The following DCC variants were observed in gnomAD, a reference collection of about 807,000 sequenced individuals.
DCC encodes DCC netrin 1 receptor, also known as netrin receptor DCC.
In DCC, 58 loss-of-function variants were observed where a neutral mutation model predicts 172.5. The observed-to-expected ratio is 0.34, with a 90% confidence interval of 0.27 to 0.42. DCC has a LOEUF of 0.42. DCC is among the 10% of genes least tolerant of loss of function. DCC has a pLI of 1.00. For synonymous variants in DCC, 709 were observed against 644.5 expected (o/e 1.10, Z -1.52); for missense variants, 1,740 against 1,791.0 (o/e 0.97, Z 0.51).
At chr18:53,229,140 A>G (rs1254985053) in intron 12 of DCC, among the ~76,000 whole-genome samples, 1 of 152,150 alleles carries the variant, frequency 6.6e-6, no homozygotes, top group African/African-American at 2.4e-5. Context: ...TCCCACTATA[A>G]TAAAGTCTAA....
At chr18:52,562,995 A>T (rs2033074204) in intron 1 of DCC, among the ~76,000 whole-genome samples, 1 of 152,146 alleles carries the variant, frequency 6.6e-6, no homozygotes, top group Non-Finnish European at 1.5e-5. Context: ...CTATGCATCC[A>T]TTAGAGACTT....
chr18:53,104,650 T>A (rs2043219319), intron 7 of DCC, among the ~76,000 whole-genome samples: 1 of 152,120 alleles, frequency 6.6e-6, no homozygotes, highest in Non-Finnish European at 1.5e-5. Flanking sequence ...GGAACAGTTT[T>A]ACAAATAGGC....
At chr18:52,394,259 G>A (rs1986134614) in intron 1 of DCC, among the ~76,000 whole-genome samples, 1 of 151,782 alleles carries the variant, frequency 6.6e-6, no homozygotes. Context: ...AACAGAATTA[G>A]GATGATGATT....
intron 1 of DCC, among the ~76,000 whole-genome samples, chr18:52,579,577 C>T (rs1372867820): frequency 1.3e-5 from 2 of 152,092 alleles, no homozygotes; most frequent in African/African-American, 4.8e-5. Flanking sequence ...CCTCACACCT[C>T]TGTTGGATTA....
chr18:53,238,527 G>C (rs2056237341), intron 12 of DCC, among the ~76,000 whole-genome samples: 1 of 152,012 alleles, frequency 6.6e-6, no homozygotes, highest in African/African-American at 2.4e-5. Flanking sequence ...CACATTTCAG[G>C]GGTCCCTTTT....
At chr18:52,924,487 T>C (rs1296629910) in intron 4 of DCC, among the ~76,000 whole-genome samples, 1 of 152,084 alleles carries the variant, frequency 6.6e-6, no homozygotes, top group Non-Finnish European at 1.5e-5. Flanking sequence ...ACAGAATAAC[T>C]TGGCTGGCTT....
chr18:53,325,405 A>G (rs2057456218), intron 14 of DCC, among the ~76,000 whole-genome samples: 1 of 152,154 alleles, frequency 6.6e-6, no homozygotes. Flanking sequence ...TAAATGAAGC[A>G]GAGGTGCTGA....
intron 1 of DCC, among the ~76,000 whole-genome samples, chr18:52,585,275 A>G (rs757834898): frequency 1.1e-4 from 16 of 152,206 alleles, no homozygotes; most frequent in Non-Finnish European, 2.2e-4. Flanking sequence ...TACATCATAC[A>G]TGTAGCCATG....
chr18:52,692,952 A>G (rs2035952260), intron 1 of DCC, among the ~76,000 whole-genome samples: 1 of 152,156 alleles, frequency 6.6e-6, no homozygotes, highest in South Asian at 2.1e-4. Context: ...CCCTTTAAGA[A>G]CAGTCCTCTG....
At chr18:53,174,986 G>A (rs2055068958) in intron 8 of DCC, among the ~76,000 whole-genome samples, 1 of 152,060 alleles carries the variant, frequency 6.6e-6, no homozygotes, top group Admixed American at 6.6e-5. Context: ...CCATGATCAA[G>A]TGGGCTTCAT....
At chr18:52,491,633 C>T (rs889526718) in intron 1 of DCC, among the ~76,000 whole-genome samples, 1 of 151,870 alleles carries the variant, frequency 6.6e-6, no homozygotes, top group African/African-American at 2.4e-5. Flanking sequence ...AGGGTAGTGG[C>T]CAGAATTTTG....
chr18:53,414,357 A>AAAT (rs1599123140), intron 20 of DCC, among the ~76,000 whole-genome samples: 2 of 152,018 alleles, frequency 1.3e-5, no homozygotes, highest in Admixed American at 1.3e-4. Context: ...TTACCACAAT[A>AAAT]AATAATAATA....
At chr18:52,970,122 C>A (rs1455750271) in intron 5 of DCC, among the ~76,000 whole-genome samples, 1 of 151,924 alleles carries the variant, frequency 6.6e-6, no homozygotes, top group Non-Finnish European at 1.5e-5. Context: ...TTAAATGCTC[C>A]TAGGAAGATA....
chr18:53,510,758 T>C lies in DCC; in HGVS notation c.4111+11248T>C, dbSNP rs555280859. Reference sequence around the variant, plus strand: ...GGAACAAGTCTAGCTGGGATCAACATAGAGAAGACAGCAGGAATATGCTGA... The same window carrying C: ...GGAACAAGTCTAGCTGGGATCAACACAGAGAAGACAGCAGGAATATGCTGA... On this transcript the variant is annotated intron_variant, in intron 27 of 28. Coordinates refer to ENST00000442544, the MANE Select transcript of DCC (RefSeq NM_005215.4). Among the ~76,000 whole-genome samples, 9 of 152,334 alleles carry C rather than the reference T, an allele frequency of 5.9e-5. No homozygotes were observed. In the South Asian group the frequency reaches 1.9e-3, roughly 32 times the overall value.
At chr18:52,341,156 G>T in intron 1 of DCC, among the ~76,000 whole-genome samples, 1 of 149,900 alleles carries the variant, frequency 6.7e-6, no homozygotes, top group Middle Eastern at 3.4e-3. Context: ...TTGGTTTGGA[G>T]AGCCGGCGGG....
chr18:53,381,259 A>C (rs1907708391), intron 15 of DCC, among the ~76,000 whole-genome samples: 1 of 152,072 alleles, frequency 6.6e-6, no homozygotes, highest in Admixed American at 6.6e-5. Flanking sequence ...TACACCCTGA[A>C]AGACTGAAAG....
At chr18:52,609,324 C>A (rs1339956361) in intron 1 of DCC, among the ~76,000 whole-genome samples, 2 of 151,890 alleles carry the variant, frequency 1.3e-5, no homozygotes, top group African/African-American at 4.8e-5. Context: ...GTTGACAATT[C>A]TGTGTGTTCA....
chr18:53,066,883 C>T (rs1408996641), intron 7 of DCC, among the ~76,000 whole-genome samples: 4 of 152,076 alleles, frequency 2.6e-5, no homozygotes, highest in African/African-American at 4.8e-5. Context: ...GAGATTATGG[C>T]GGAAGGCGAA....
intron 15 of DCC, among the ~76,000 whole-genome samples, chr18:53,382,069 A>AACACACAC (rs61553123): frequency 0.076 from 9,305 of 122,770 alleles, 703 homozygotes; most frequent in African/African-American, 0.19. Flanking sequence ...GATTAAAAAC[A>AACACACAC]ACACACACAC....
Sources: allele counts gnomAD v4.1 joint callset (sites outside exome capture counted in the v4.1 genomes callset), GRCh38; gene constraint gnomAD v4.1.1; transcripts MANE v1.5; gene names NCBI Gene and HGNC (gene_info 2026-07-23, HGNC 2026-07-21).